Variants in USH2A observed in about 807,000 individuals in gnomAD.
USH2A encodes usherin.
In USH2A, 443 loss-of-function variants were observed where a neutral mutation model predicts 538.9. The observed-to-expected ratio is 0.82, with a 90% CI of 0.76 to 0.89. The LOEUF is 0.89. Among genes scored for constraint, USH2A ranks in the 40% least tolerant of loss-of-function variants. The probability of loss-of-function intolerance (pLI) is 0.00; values close to 1 mark genes in which losing one functional copy is unlikely to be tolerated. For missense variants in USH2A, 6,633 were observed against 6,324.8 expected, an observed-to-expected ratio of 1.05 and a Z score of -1.65; for synonymous variants, 2,413 against 2,273.5, an observed-to-expected ratio of 1.06 and a Z score of -1.75.
chr1:216,041,852 T>G (rs901265976), intron 32 of USH2A, among the ~76,000 whole-genome samples: 2 of 152,084 alleles, frequency 1.3e-5, no homozygotes, highest in Non-Finnish European at 2.9e-5. Flanking sequence ...TAACTTTTTT[T>G]TTTGTAAAAT....
intron 38 of USH2A, among the ~76,000 whole-genome samples, chr1:215,912,734 T>C (rs1485788241): frequency 6.6e-6 from 1 of 151,998 alleles, no homozygotes; most frequent in Non-Finnish European, 1.5e-5. Context: ...GGGTTTAGTG[T>C]ACAGATTATT....
intron 9 of USH2A, among the ~76,000 whole-genome samples, chr1:216,320,960 C>T (rs553735256): frequency 2.0e-5 from 3 of 152,046 alleles, no homozygotes; most frequent in Admixed American, 2.0e-4. Context: ...CTTCATAGCT[C>T]CAGATGTTTG....
chr1:215,732,544 C>CTTTTT lies in USH2A; in HGVS notation c.11712-4165_11712-4161dup, dbSNP rs141549439. Among the ~76,000 whole-genome samples, 81 of 73,588 alleles carry CTTTTT rather than the reference C, an allele frequency of 1.1e-3. 2 individuals carry two copies. The highest frequency in any genetic ancestry group is 0.014 in the Middle Eastern group (1 of 70). The allele number at this position is 73,588 out of a possible 152,430, so 48.3% of individuals were successfully genotyped here. A position where few individuals can be genotyped will look rare whatever the true frequency, so the allele number is the denominator to read the frequency against. On this transcript the variant is annotated intron_variant, in intron 60 of 71. Transcript: ENST00000307340. Reference sequence around the variant, plus strand: ...TCTTTCTTATTCTCCTTTTTTCTTTCTTTTTTTTTTTTTTTTTTTTTTTTT... The same window carrying CTTTTT: ...TCTTTCTTATTCTCCTTTTTTCTTTCTTTTTTTTTTTTTTTTTTTTTTTTTTTTTT...
Position 215,917,027 on chromosome 1 carries a change from A to T in USH2A, c.7301-16122T>A, listed in dbSNP as rs550843273. Among the ~76,000 whole-genome samples the T allele has an allele frequency of 2.2e-4, 34 of 152,276 alleles. No individual in the cohort carries two copies. The South Asian group carries it at 3.5e-3, about 16-fold the overall frequency. ...TGCAGCTCACTGTGCTCAGAGAAAA[A>T]TAGCGATTTTGAATTTCATTAGATA... On this transcript the variant is annotated intron_variant, in intron 38 of 71. Transcript: ENST00000307340.
intron 21 of USH2A, among the ~76,000 whole-genome samples, chr1:216,107,957 C>G (rs2032778214): frequency 6.6e-6 from 1 of 151,764 alleles, no homozygotes; most frequent in African/African-American, 2.4e-5. Context: ...ATTTTTTATA[C>G]AGTTTAATTT....
chr1:216,142,800 C>G (rs2033625836), intron 21 of USH2A, among the ~76,000 whole-genome samples: 1 of 152,124 alleles, frequency 6.6e-6, no homozygotes, highest in Non-Finnish European at 1.5e-5. Context: ...GATTTAGTCT[C>G]CACAGCCTAA....
intron 41 of USH2A, among the ~76,000 whole-genome samples, chr1:215,885,922 C>T (rs893309129): frequency 1.3e-5 from 2 of 152,180 alleles, no homozygotes; most frequent in East Asian, 1.9e-4. Flanking sequence ...TTGTTCTTCT[C>T]CCCCAAGTCC....
At chr1:215,928,384 C>T (rs1481676932) in intron 38 of USH2A, among the ~76,000 whole-genome samples, 2 of 151,704 alleles carry the variant, frequency 1.3e-5, no homozygotes, top group Non-Finnish European at 2.9e-5. Flanking sequence ...AAACTGCTTT[C>T]TTCATTTTTT....
At chr1:215,647,012 T>A (rs1656876290) in intron 67 of USH2A, among the ~76,000 whole-genome samples, 1 of 152,206 alleles carries the variant, frequency 6.6e-6, no homozygotes, top group South Asian at 2.1e-4. Flanking sequence ...TAACGATGCA[T>A]TTCTCAGAAC....
At chr1:215,796,134 C>T (rs1419978091) in intron 50 of USH2A, among the ~76,000 whole-genome samples, 1 of 152,108 alleles carries the variant, frequency 6.6e-6, no homozygotes, top group Non-Finnish European at 1.5e-5. Flanking sequence ...GCAAATCATG[C>T]CATGTAACAT....
At chr1:216,018,550 G>A (rs1340832644) in intron 32 of USH2A, among the ~76,000 whole-genome samples, 2 of 152,118 alleles carry the variant, frequency 1.3e-5, no homozygotes. Context: ...TGTGTCTTAC[G>A]TTGGCAGAAC....
At chr1:216,104,045 A>AT (rs376797068) in intron 21 of USH2A, among the ~76,000 whole-genome samples, 4,778 of 149,836 alleles carry the variant, frequency 0.032, 236 homozygotes, top group African/African-American at 0.11. Context: ...TTACCTTTTC[A>AT]TTTTTTTTTT....
chr1:215,770,157 A>C (rs1176617841), intron 55 of USH2A, among the ~76,000 whole-genome samples: 1 of 152,134 alleles, frequency 6.6e-6, no homozygotes, highest in Non-Finnish European at 1.5e-5. Context: ...CAGGCTTTGT[A>C]CTTTATTTAG....
At chr1:216,090,307 T>A (rs889022078) in intron 22 of USH2A, among the ~76,000 whole-genome samples, 1 of 152,012 alleles carries the variant, frequency 6.6e-6, no homozygotes, top group Non-Finnish European at 1.5e-5. Flanking sequence ...TGATTTCTGT[T>A]TATCTTTCTC....
intron 30 of USH2A, among the ~76,000 whole-genome samples, chr1:216,060,627 C>A (rs1368856734): frequency 6.6e-6 from 1 of 151,934 alleles, no homozygotes; most frequent in African/African-American, 2.4e-5. Flanking sequence ...GCAATATAAC[C>A]CCTAGACTTT....
intron 3 of USH2A, among the ~76,000 whole-genome samples, chr1:216,399,746 G>A (rs144688476): frequency 6.2e-4 from 95 of 152,198 alleles, no homozygotes; most frequent in African/African-American, 2.1e-3. Flanking sequence ...GGGCAACAAG[G>A]CAGCAGCAAT....
At chr1:216,259,567 A>G (rs2036326803) in intron 11 of USH2A, among the ~76,000 whole-genome samples, 1 of 152,108 alleles carries the variant, frequency 6.6e-6, no homozygotes, top group Admixed American at 6.6e-5. Context: ...AAAGGATCCA[A>G]CTTATTAGAA....
At chr1:216,393,830 TA>T (rs2039155221) in intron 3 of USH2A, among the ~76,000 whole-genome samples, 1 of 152,132 alleles carries the variant, frequency 6.6e-6, no homozygotes, top group Non-Finnish European at 1.5e-5. Context: ...TTCTGATCTA[TA>T]AATGACACTG....
chr1:216,055,206 G>C (rs937521739), intron 30 of USH2A, among the ~76,000 whole-genome samples: 5 of 152,072 alleles, frequency 3.3e-5, no homozygotes, highest in Admixed American at 6.5e-5. Context: ...CCCATCTCAA[G>C]AGAACTCATC....
Sources: gnomAD v4.1 joint callset for allele counts (sites outside exome capture counted in the v4.1 genomes callset) on GRCh38, gnomAD v4.1.1 for gene constraint, MANE v1.5 for transcripts, NCBI Gene and HGNC (gene_info 2026-07-23, HGNC 2026-07-21) for gene names.